CELF2: variants seen among roughly 807,000 people sequenced by gnomAD.
The protein encoded by CELF2 is CUG triplet repeat RNA-binding protein 2.
A neutral mutation model predicts 62.6 loss-of-function variants in CELF2; 8 were observed. That is an observed-to-expected ratio of 0.13 (90% CI 0.07 to 0.23). The LOEUF (loss-of-function observed/expected upper bound fraction) is 0.23. CELF2 is among the 10% of genes least tolerant of loss of function. The pLI is 1.00. For missense variants in CELF2, 333 were observed against 671.0 expected, an observed-to-expected ratio of 0.50 and a Z score of 5.56; for synonymous variants, 258 against 250.0, an observed-to-expected ratio of 1.03 and a Z score of -0.30.
At chr10:11,080,771 G>A (rs1196668562) in intron 1 of CELF2, among the ~76,000 whole-genome samples, 1 of 152,230 alleles carries the variant, frequency 6.6e-6, no homozygotes, top group Non-Finnish European at 1.5e-5. Context: ...ATGCTGGACA[G>A]GCTTTGCTGA....
intron 2 of CELF2, among the ~76,000 whole-genome samples, chr10:10,979,595 T>G (rs1471539232): frequency 3.6e-5 from 5 of 138,568 alleles, no homozygotes; most frequent in African/African-American, 1.4e-4. Context: ...AGTTTGAGCC[T>G]GGGAGGTGGA....
intron 1 of CELF2, among the ~76,000 whole-genome samples, chr10:10,893,142 C>A (rs2062270614): frequency 6.6e-6 from 1 of 152,196 alleles, no homozygotes; most frequent in South Asian, 2.1e-4. Flanking sequence ...GCAAATTAAT[C>A]CAGCCCAAAT....
At chr10:10,754,462 C>G in the CELF2 span, among the ~76,000 whole-genome samples, 3 of 152,080 alleles carry the variant, frequency 2.0e-5, no homozygotes, top group Non-Finnish European at 4.4e-5. Flanking sequence ...AACAGAAGCA[C>G]TCTTAATCGT....
Position 11,098,901 on chromosome 10 carries a change from G to A in CELF2, c.75-66585G>A, listed in dbSNP as rs1416862409. ...GAACCTCTCTCATCCCCTCAGTTTG[G>A]GCACAGTCCAGCAGGAGAATATTTA... is the stretch of plus-strand genomic sequence containing the variant. On this transcript the variant is annotated intron_variant, in intron 1 of 12. Coordinates refer to ENST00000633077, the MANE Select transcript of CELF2 (RefSeq NM_001326342.2). The surrounding 1 kb of genome is among the most constrained non-coding windows in gnomAD (Gnocchi z 4.0). Among the ~76,000 whole-genome samples the A allele has an allele frequency of 6.6e-6, 1 of 152,140 alleles. No homozygotes were observed. The highest frequency in any genetic ancestry group is 1.9e-4 in the East Asian group (1 of 5,186).
chr10:11,331,527 C>T lies in CELF2; in HGVS notation c.*2474C>T, dbSNP rs1261557288. On this transcript the variant is annotated 3_prime_UTR_variant, in exon 13 of 13. Transcript: ENST00000633077. ...TTCCAAAGGTACTTCCTTCCTAGAG[C>T]TTCAGTGTGTTTCTTGTGAGAAGTA... is the stretch of plus-strand genomic sequence containing the variant. 2 of 150,722 alleles carry T rather than the reference C, an allele frequency of 1.3e-5. No homozygotes were observed. The highest frequency in any genetic ancestry group is 3.0e-5 in the Non-Finnish European group (2 of 67,724). The allele number at this position is 150,722 out of a possible 1,614,324, so 9.3% of individuals were successfully genotyped here.
the CELF2 span, among the ~76,000 whole-genome samples, chr10:10,773,366 C>T: frequency 1.5e-4 from 23 of 152,342 alleles, no homozygotes; most frequent in Middle Eastern, 3.4e-3. Flanking sequence ...AACCCGAACA[C>T]TTCAACTGAA....
At chr10:10,900,551 A>G (rs2062863468) in intron 1 of CELF2, among the ~76,000 whole-genome samples, 1 of 152,190 alleles carries the variant, frequency 6.6e-6, no homozygotes, top group Admixed American at 6.5e-5. Flanking sequence ...AATAGAAGGG[A>G]AAGTTCTCAA....
chr10:10,530,066 G>A, the CELF2 span, among the ~76,000 whole-genome samples: 1 of 152,154 alleles, frequency 6.6e-6, no homozygotes, highest in Non-Finnish European at 1.5e-5. Flanking sequence ...TACAGGAAAG[G>A]GGTTCCGATC....
rs955432 is a variant in CELF2, at chr10:11,311,008, G to A, written c.977-3131G>A. Among the ~76,000 whole-genome samples the A allele has an allele frequency of 0.047, 7,151 of 152,110 alleles. 242 individuals carry two copies. The highest frequency in any genetic ancestry group is 0.085 in the Middle Eastern group (25 of 294). On this transcript the variant is annotated intron_variant, in intron 9 of 12. Transcript: ENST00000633077. The surrounding 1 kb of genome is among the most constrained non-coding windows in gnomAD (Gnocchi z 4.7). ...ACCGAATAAATTCTAATAACTGTTC[G>A]CACAGCTTTCCCAACCATAAGGAAT...
At chr10:10,689,910 A>G in the CELF2 span, among the ~76,000 whole-genome samples, 1 of 152,240 alleles carries the variant, frequency 6.6e-6, no homozygotes, top group African/African-American at 2.4e-5. Context: ...GAAGTATTTC[A>G]TTCAACAAGT....
At chr10:10,826,204 G>A (rs568458584) in intron 1 of CELF2, among the ~76,000 whole-genome samples, 11 of 151,824 alleles carry the variant, frequency 7.2e-5, no homozygotes, top group African/African-American at 2.4e-4. Flanking sequence ...TTTCCTGGAT[G>A]CCCATTTCTC....
chr10:10,793,004 C>T, the CELF2 span, among the ~76,000 whole-genome samples: 2 of 152,166 alleles, frequency 1.3e-5, no homozygotes, highest in Admixed American at 6.5e-5. Flanking sequence ...AAAAGCATTC[C>T]TTCCCAATTG....
the CELF2 span, among the ~76,000 whole-genome samples, chr10:10,711,363 G>A: frequency 2.6e-5 from 4 of 152,154 alleles, no homozygotes; most frequent in African/African-American, 9.7e-5. Context: ...TATGGGTTTT[G>A]TTTCTTAAGA....
At position 11,110,279 on chromosome 10, in the gene CELF2, A is replaced by C. The variant is rs372947304; in HGVS notation, c.75-55207A>C. Among the ~76,000 whole-genome samples the C allele has an allele frequency of 6.6e-6, 1 of 152,270 alleles. No individual in the cohort carries two copies. The highest frequency in any genetic ancestry group is 2.1e-4 in the South Asian group (1 of 4,820). ...ACAGAGCAAGACCATGTCTTAAAAA[A>C]AAAAATCTGCTTTTTGTTCTTTTCT... On this transcript the variant is annotated intron_variant, in intron 1 of 12. Coordinates refer to ENST00000633077, the MANE Select transcript of CELF2 (RefSeq NM_001326342.2). This position sits in a 1 kb window ranked among gnomAD's most constrained non-coding sequence, Gnocchi z 4.0.
intron 1 of CELF2, among the ~76,000 whole-genome samples, chr10:11,082,473 T>C (rs887735112): frequency 1.3e-5 from 2 of 152,306 alleles, no homozygotes; most frequent in African/African-American, 4.8e-5. Context: ...TAGGTGGCCC[T>C]GCAGGGCAGT....
At position 11,243,445 on chromosome 10, in the gene CELF2, C is replaced by A. The variant is rs1484180200; in HGVS notation, c.355-5708C>A. ...TGGGTTTAGAAGCCTTTCTTGATAG[C>A]AATGTGAACTTGAAGAAATGTGTGA... On this transcript the variant is annotated intron_variant, in intron 3 of 12. Coordinates refer to ENST00000633077, the MANE Select transcript of CELF2 (RefSeq NM_001326342.2). This position sits in a 1 kb window ranked among gnomAD's most constrained non-coding sequence, Gnocchi z 4.1. 6.6e-6 allele frequency among the ~76,000 whole-genome samples: 1 copy of A among 151,698 alleles called. No homozygotes were observed. Among genetic ancestry groups the A allele is most frequent in the East Asian group, 1.9e-4 (1 of 5,190 alleles).
Position 11,328,781 on chromosome 10 carries a change from C to A in CELF2, c.1439-145C>A. On this transcript the variant is annotated intron_variant, in intron 12 of 12. Coordinates refer to ENST00000633077, the MANE Select transcript of CELF2 (RefSeq NM_001326342.2). This position sits in a 1 kb window ranked among gnomAD's most constrained non-coding sequence, Gnocchi z 6.4. ...CCCCATCATCCACTCACGGTGGACT[C>A]ACGATCAGTTCCGCAGAGCTGTGCT... is the stretch of plus-strand genomic sequence containing the variant. 1.2e-6 allele frequency: 1 copy of A among 823,918 alleles called. No individual in the cohort carries two copies. The highest frequency in any genetic ancestry group is 1.8e-6 in the Non-Finnish European group (1 of 554,212). The allele number at this position is 823,918 out of a possible 1,614,324, so 51.0% of individuals were successfully genotyped here.
chr10:10,774,735 G>A, the CELF2 span, among the ~76,000 whole-genome samples: 1 of 152,174 alleles, frequency 6.6e-6, no homozygotes, highest in Non-Finnish European at 1.5e-5. Context: ...CTTTATGGCA[G>A]TGTGAGAAGG....
chr10:10,523,464 T>C, the CELF2 span, among the ~76,000 whole-genome samples: 11,055 of 152,268 alleles, frequency 0.073, 513 homozygotes, highest in South Asian at 0.17. Context: ...TGGAAGTATC[T>C]TACTATAGTG....
Sources: gnomAD v4.1 joint callset for allele counts (sites outside exome capture counted in the v4.1 genomes callset) on GRCh38, gnomAD v4.1.1 for gene constraint, Gnocchi (gnomAD v3.1) non-coding constraint, MANE v1.5 for transcripts, NCBI Gene and HGNC (gene_info 2026-07-23, HGNC 2026-07-21) for gene names.